The following DEFB131A variants were observed in gnomAD, a reference collection of about 807,000 sequenced individuals.
The protein encoded by DEFB131A is defensin beta 131A.
In DEFB131A, 5 loss-of-function variants were observed where a neutral mutation model predicts 2.4. The observed-to-expected ratio is 2.12, with a 90% CI of 1.11 to 4.47. The LOEUF is 4.47. Ranked by LOEUF, DEFB131A falls within the 30% of genes most tolerant of loss-of-function variation. The probability of loss-of-function intolerance (pLI) is 0.00; values close to 1 mark genes in which losing one functional copy is unlikely to be tolerated. For missense variants in DEFB131A, 120 were observed against 79.9 expected (o/e 1.50, Z -1.91); for synonymous variants, 34 against 25.7 (o/e 1.32, Z -0.97).
chr4:9,446,984 G>A (rs1717520146), intron 1 of DEFB131A, among the ~76,000 whole-genome samples: 1 of 152,036 alleles, frequency 6.6e-6, no homozygotes, highest in Admixed American at 6.6e-5. Flanking sequence ...AAAATTTGTT[G>A]AAACTTGTTT....
rs756398292 is a variant in DEFB131A at position 9,444,545 on chromosome 4, G to GT, written c.18dup (p.Val7CysfsTer20). On this transcript the variant is annotated frameshift_variant, in exon 1 of 2. Coordinates refer to ENST00000334879, the MANE Select transcript of DEFB131A (RefSeq NM_001040448.3). LOFTEE classifies it low-confidence loss of function (END_TRUNC). Reference sequence around the variant, plus strand: ...TTACCTATTCAACCATGAGGGTCTTGTTTTTTGTCTTTGGAGTCCTTTCCT... The same window carrying GT: ...TTACCTATTCAACCATGAGGGTCTTGTTTTTTTGTCTTTGGAGTCCTTTCCT... 1.5e-4 allele frequency: 235 copies of GT among 1,611,572 alleles called. 2 individuals carry two copies. In the East Asian group the frequency reaches 5.1e-3, roughly 35 times the overall value.
intron 1 of DEFB131A, among the ~76,000 whole-genome samples, chr4:9,450,017 T>C (rs1468607683): frequency 2.0e-5 from 3 of 152,192 alleles, no homozygotes; most frequent in Non-Finnish European, 4.4e-5. Flanking sequence ...AATGACTTTC[T>C]CAAGAATTTA....
At chr4:9,448,852 G>C (rs1462944357) in intron 1 of DEFB131A, among the ~76,000 whole-genome samples, 2 of 152,076 alleles carry the variant, frequency 1.3e-5, no homozygotes, top group African/African-American at 4.8e-5. Flanking sequence ...AATTAGGCAA[G>C]AAAAGGAAAT....
At chr4:9,447,780 T>C (rs1197935416) in intron 1 of DEFB131A, among the ~76,000 whole-genome samples, 1 of 152,000 alleles carries the variant, frequency 6.6e-6, no homozygotes, top group African/African-American at 2.4e-5. Context: ...AGATTGGGAC[T>C]TCAACATACA....
At chr4:9,447,569 G>A (rs1353578922) in intron 1 of DEFB131A, among the ~76,000 whole-genome samples, 8 of 152,078 alleles carry the variant, frequency 5.3e-5, no homozygotes, top group Non-Finnish European at 8.8e-5. Flanking sequence ...GTCTTGGCTT[G>A]CAGCTGCTTG....
chr4:9,444,998 C>G (rs1292704739), intron 1 of DEFB131A, among the ~76,000 whole-genome samples: 3 of 151,896 alleles, frequency 2.0e-5, no homozygotes, highest in Admixed American at 2.0e-4. Context: ...CAGGATCGCT[C>G]GAGCCTGAGA....
Position 9,444,504 on chromosome 4 carries a change from T to G in DEFB131A, c.-30T>G. The G allele has an allele frequency of 6.2e-7, 1 of 1,608,052 alleles. No homozygotes were observed. Among genetic ancestry groups the G allele is most frequent in the African/African-American group, 1.3e-5 (1 of 74,774 alleles). ...AAGTCCTCTTCATCTCAGCTACTGATTCTCTCTAACCTGCTTTACCTATTC... is the reference window on the plus strand; with the variant it reads ...AAGTCCTCTTCATCTCAGCTACTGAGTCTCTCTAACCTGCTTTACCTATTC... On this transcript the variant is annotated 5_prime_UTR_variant, in exon 1 of 2. Coordinates refer to ENST00000334879, the MANE Select transcript of DEFB131A (RefSeq NM_001040448.3).
At chr4:9,447,716 TAAA>T (rs57201315) in intron 1 of DEFB131A, among the ~76,000 whole-genome samples, 946 of 134,838 alleles carry the variant, frequency 7.0e-3, no homozygotes, top group African/African-American at 0.024. Flanking sequence ...TATCAGTCCT[TAAA>T]AAAAAAAAAA....
intron 1 of DEFB131A, among the ~76,000 whole-genome samples, chr4:9,450,123 C>A (rs1717617347): frequency 6.6e-6 from 1 of 152,094 alleles, no homozygotes; most frequent in Non-Finnish European, 1.5e-5. Context: ...GGTAATAGTT[C>A]TCATTTAAAA....
rs559136190 is a variant in DEFB131A at position 9,448,153 on chromosome 4, C to T, written c.59-2207C>T. Among the ~76,000 whole-genome samples the T allele has an allele frequency of 4.2e-4, 50 of 120,246 alleles. No individual in the cohort carries two copies. The South Asian group carries it at 0.011, about 27-fold the overall frequency. The allele number at this position is 120,246 out of a possible 152,430, so 78.9% of individuals were successfully genotyped here. A position where few individuals can be genotyped will look rare whatever the true frequency, so the allele number is the denominator to read the frequency against. On this transcript the variant is annotated intron_variant, in intron 1 of 1. Transcript: ENST00000334879. The stretch of plus-strand genomic sequence containing the variant: ...TAAACATAGGCATATTATATTGAAA[C>T]TGCCAAAAATCAAAGACAAAAAAAA...
intron 1 of DEFB131A, among the ~76,000 whole-genome samples, chr4:9,449,887 A>G (rs1717610493): frequency 6.6e-6 from 1 of 152,136 alleles, no homozygotes; most frequent in Non-Finnish European, 1.5e-5. Context: ...AACCAAAGAC[A>G]GCTTTTCCAC....
chr4:9,447,858 G>T (rs1457266331), intron 1 of DEFB131A, among the ~76,000 whole-genome samples: 7 of 152,038 alleles, frequency 4.6e-5, no homozygotes, highest in Non-Finnish European at 4.4e-5. Context: ...ATCAAGGAAA[G>T]AATCAGTGAG....
At chr4:9,444,919 A>AT (rs2108836564) in intron 1 of DEFB131A, among the ~76,000 whole-genome samples, 1 of 144,470 alleles carries the variant, frequency 6.9e-6, no homozygotes, top group African/African-American at 2.6e-5. Context: ...AAAAAAAAAA[A>AT]AAAAATACAA....
chr4:9,445,591 C>A (rs1213313757), intron 1 of DEFB131A, among the ~76,000 whole-genome samples: 1 of 151,254 alleles, frequency 6.6e-6, no homozygotes, highest in African/African-American at 2.4e-5. Flanking sequence ...ATTCAAGATT[C>A]CCTCATTTAT....
At chr4:9,447,778 A>C (rs1478930008) in intron 1 of DEFB131A, among the ~76,000 whole-genome samples, 2 of 152,086 alleles carry the variant, frequency 1.3e-5, no homozygotes, top group Non-Finnish European at 2.9e-5. Context: ...AAAGATTGGG[A>C]CTTCAACATA....
rs920492961 is a variant in DEFB131A at position 9,450,266 on chromosome 4, T to C, written c.59-94T>C. 13 of 1,285,196 alleles carry C rather than the reference T, an allele frequency of 1.0e-5. No individual in the cohort carries two copies. The African/African-American group carries it at 1.2e-4, about 12-fold the overall frequency. 79.6% of individuals were successfully genotyped at this position (1,285,196 alleles called of 1,614,324 possible). On this transcript the variant is annotated intron_variant, in intron 1 of 1. Transcript: ENST00000334879. ...TGATTTTGTTTTTCTGGGAAAGTTC[T>C]GTAATGTTTTTAATTTATTATAAAA...
intron 1 of DEFB131A, among the ~76,000 whole-genome samples, chr4:9,444,998 C>T (rs1292704739): frequency 4.6e-5 from 7 of 151,896 alleles, no homozygotes; most frequent in East Asian, 3.9e-4. Flanking sequence ...CAGGATCGCT[C>T]GAGCCTGAGA....
chr4:9,445,630 A>G (rs1717474574), intron 1 of DEFB131A, among the ~76,000 whole-genome samples: 1 of 151,864 alleles, frequency 6.6e-6, no homozygotes, highest in Non-Finnish European at 1.5e-5. Context: ...AGATTCCCTT[A>G]TTTATATAAT....
chr4:9,450,329 G>A, intron 1 of DEFB131A, 31 bp from the exon 2 acceptor site: 1 of 1,505,518 alleles, frequency 6.6e-7, no homozygotes, highest in Middle Eastern at 2.5e-4. Context: ...AAGTAATATT[G>A]TGTCATATAA....
Sources: allele counts gnomAD v4.1 joint callset (sites outside exome capture counted in the v4.1 genomes callset), GRCh38; gene constraint gnomAD v4.1.1; transcripts MANE v1.5; gene names NCBI Gene and HGNC (gene_info 2026-07-23, HGNC 2026-07-21).